Variants in LIN7A observed in about 807,000 individuals in gnomAD.
The protein encoded by LIN7A is protein lin-7 homolog A.
Under a neutral mutation model 29.8 loss-of-function variants are expected in LIN7A, and 25 were observed. The ratio of observed to expected loss-of-function variants is 0.84; its 90% confidence interval spans 0.61 to 1.17. The LOEUF is 1.17. LIN7A is among the 50% of genes most tolerant of loss of function. The probability of loss-of-function intolerance (pLI) is 0.00; values close to 1 mark genes in which losing one functional copy is unlikely to be tolerated. For synonymous variants in LIN7A, 118 were observed against 107.5 expected, an observed-to-expected ratio of 1.10 and a Z score of -0.60; for missense variants, 239 against 287.0, an observed-to-expected ratio of 0.83 and a Z score of 1.21.
At chr12:80,800,535 A>C (rs1870673851) in intron 5 of LIN7A, among the ~76,000 whole-genome samples, 1 of 150,064 alleles carries the variant, frequency 6.7e-6, no homozygotes, top group South Asian at 2.1e-4. Context: ...AATCTGCTAA[A>C]ACTCACATGA....
At chr12:80,931,016 G>A (rs1877869412) in intron 1 of LIN7A, among the ~76,000 whole-genome samples, 1 of 152,090 alleles carries the variant, frequency 6.6e-6, no homozygotes, top group Non-Finnish European at 1.5e-5. Flanking sequence ...TATCCTAACA[G>A]GCAAATGTCA....
chr12:80,818,361 T>G (rs1871635205), intron 4 of LIN7A, among the ~76,000 whole-genome samples: 1 of 152,168 alleles, frequency 6.6e-6, no homozygotes, highest in Admixed American at 6.6e-5. Flanking sequence ...TATTGACCAT[T>G]TATTAAGTAA....
chr12:80,916,256 C>T (rs1877025842), intron 1 of LIN7A, among the ~76,000 whole-genome samples: 1 of 152,138 alleles, frequency 6.6e-6, no homozygotes, highest in African/African-American at 2.4e-5. Context: ...TGTCACTAAT[C>T]CACAAAATCC....
At chr12:80,817,988 G>C (rs768798370) in intron 4 of LIN7A, among the ~76,000 whole-genome samples, 2 of 152,088 alleles carry the variant, frequency 1.3e-5, no homozygotes, top group Non-Finnish European at 2.9e-5. Context: ...GAATAGCATG[G>C]GGCTACCTGA....
intron 5 of LIN7A, among the ~76,000 whole-genome samples, chr12:80,798,786 C>CTTT (rs200030464): frequency 6.9e-6 from 1 of 144,850 alleles, no homozygotes; most frequent in African/African-American, 2.5e-5. Context: ...AGACTGAGTT[C>CTTT]TTTTTTTTTT....
intron 2 of LIN7A, among the ~76,000 whole-genome samples, chr12:80,873,071 C>G (rs1403176051): frequency 6.6e-6 from 1 of 152,156 alleles, no homozygotes; most frequent in African/African-American, 2.4e-5. Flanking sequence ...GCACTGTTCT[C>G]TTTTTATGGC....
intron 5 of LIN7A, among the ~76,000 whole-genome samples, chr12:80,806,456 G>T (rs1466505927): frequency 6.6e-6 from 1 of 152,098 alleles, no homozygotes; most frequent in African/African-American, 2.4e-5. Flanking sequence ...CACAGTACTT[G>T]CATTAAATCT....
intron 4 of LIN7A, among the ~76,000 whole-genome samples, chr12:80,825,978 T>G (rs1824278535): frequency 6.6e-6 from 1 of 152,208 alleles, no homozygotes; most frequent in African/African-American, 2.4e-5. Flanking sequence ...CTGTCAAATG[T>G]GTTTCCTATA....
intron 2 of LIN7A, among the ~76,000 whole-genome samples, chr12:80,877,494 T>G (rs2120550290): frequency 6.6e-6 from 1 of 152,050 alleles, no homozygotes; most frequent in African/African-American, 2.4e-5. Flanking sequence ...TAAATATATT[T>G]TAGGAAAAAA....
intron 3 of LIN7A, among the ~76,000 whole-genome samples, chr12:80,847,420 G>C (rs1277012866): frequency 6.6e-6 from 1 of 152,000 alleles, no homozygotes; most frequent in Non-Finnish European, 1.5e-5. Flanking sequence ...TTCAGTTACA[G>C]AGTAAAAACT....
intron 2 of LIN7A, among the ~76,000 whole-genome samples, chr12:80,876,519 CA>C (rs967654346): frequency 1.3e-5 from 2 of 151,836 alleles, no homozygotes; most frequent in East Asian, 1.9e-4. Context: ...TAAACCACCC[CA>C]AAAAAACTAC....
chr12:80,899,366 T>C (rs1260071933), intron 1 of LIN7A, among the ~76,000 whole-genome samples: 1 of 152,216 alleles, frequency 6.6e-6, no homozygotes, highest in African/African-American at 2.4e-5. Context: ...TTTGATGTGA[T>C]GCTGGAGTTA....
chr12:80,898,931 C>G (rs1377393853), intron 1 of LIN7A, among the ~76,000 whole-genome samples: 1 of 152,186 alleles, frequency 6.6e-6, no homozygotes, highest in Non-Finnish European at 1.5e-5. Context: ...AGTCTGTAAA[C>G]AGGGATAGTT....
intron 1 of LIN7A, among the ~76,000 whole-genome samples, chr12:80,920,411 A>G (rs1877241341): frequency 6.6e-6 from 1 of 152,200 alleles, no homozygotes; most frequent in Non-Finnish European, 1.5e-5. Flanking sequence ...TATAGATACA[A>G]CAATAGCACC....
intron 4 of LIN7A, among the ~76,000 whole-genome samples, chr12:80,819,566 A>G (rs1210561955): frequency 6.6e-6 from 1 of 152,324 alleles, no homozygotes; most frequent in East Asian, 1.9e-4. Context: ...TAAATAGTCA[A>G]TGAATATAAC....
chr12:80,924,981 G>C (rs1380669082), intron 1 of LIN7A, among the ~76,000 whole-genome samples: 2 of 152,098 alleles, frequency 1.3e-5, no homozygotes, highest in Admixed American at 6.5e-5. Flanking sequence ...ATTTTAAAGA[G>C]AATAAATGTA....
chr12:80,860,817 TTTGA>T (rs1396291116), intron 2 of LIN7A: 27 of 152,358 alleles, frequency 1.8e-4, no homozygotes, highest in African/African-American at 6.3e-4. Flanking sequence ...TTAGTAGATC[TTTGA>T]TTGTGGAAAT....
rs1491270675 is a variant in LIN7A, at chr12:80,889,286, C to CT, written c.165dup (p.Val56SerfsTer5). On this transcript the variant is annotated frameshift_variant, in exon 2 of 6. Transcript: ENST00000552864. LOFTEE classifies it high-confidence loss of function. ...GCTGTACAAAACTCACTCTGAAGCACTTTTTTGAGGGATTGTAGCTTGTGC... is the reference window on the plus strand; with the variant it reads ...GCTGTACAAAACTCACTCTGAAGCACTTTTTTTGAGGGATTGTAGCTTGTGC... The CT allele has an allele frequency of 1.2e-6, 2 of 1,612,456 alleles. No individual in the cohort carries two copies. Among genetic ancestry groups the CT allele is most frequent in the Non-Finnish European group, 8.5e-7 (1 of 1,178,966 alleles).
At position 80,811,471 on chromosome 12, in the gene LIN7A, CAT is replaced by C. The variant is rs779771327; in HGVS notation, c.694_695del (p.Met232ValfsTer5). On this transcript the variant is annotated frameshift_variant, in exon 5 of 6. Transcript: ENST00000552864. LOFTEE classifies it high-confidence loss of function. ...QQQQQTQQNH[M>X]S ...AGAATAAGTCACTTCTCACCTATGACATGTGGTTTTGTTGTGTTTGTTGCTGC... is the reference window on the plus strand; with the variant it reads ...AGAATAAGTCACTTCTCACCTATGACGTGGTTTTGTTGTGTTTGTTGCTGC... 5.5e-5 allele frequency: 71 copies of C among 1,290,404 alleles called. No homozygotes were observed. In the East Asian group the frequency reaches 1.3e-3, roughly 24 times the overall value. 79.9% of individuals were successfully genotyped at this position (1,290,404 alleles called of 1,614,324 possible).
Sources: gnomAD v4.1 joint callset for allele counts (sites outside exome capture counted in the v4.1 genomes callset) on GRCh38, gnomAD v4.1.1 for gene constraint, MANE v1.5 for transcripts, NCBI Gene and HGNC (gene_info 2026-07-23, HGNC 2026-07-21) for gene names.